Variants in DPYD observed in about 807,000 individuals in gnomAD.
The protein encoded by DPYD is dihydropyrimidine dehydrogenase.
A neutral mutation model predicts 116.2 loss-of-function variants in DPYD; 109 were observed. That is an observed-to-expected ratio of 0.94 (90% CI 0.80 to 1.10). The LOEUF (loss-of-function observed/expected upper bound fraction) is 1.10. Ranked by LOEUF, DPYD falls within the 50% of genes least tolerant of loss-of-function variation. DPYD has a pLI of 0.00. For synonymous variants in DPYD, 440 were observed against 432.0 expected, an observed-to-expected ratio of 1.02 and a Z score of -0.23; for missense variants, 1,302 against 1,254.5, an observed-to-expected ratio of 1.04 and a Z score of -0.57.
At chr1:97,263,950 C>G (rs1664049608) in intron 18 of DPYD, among the ~76,000 whole-genome samples, 1 of 151,900 alleles carries the variant, frequency 6.6e-6, no homozygotes, top group African/African-American at 2.4e-5. Context: ...TAATATATGT[C>G]AAGTACTTAT....
intron 20 of DPYD, among the ~76,000 whole-genome samples, chr1:97,150,687 A>T (rs1402397777): frequency 6.6e-6 from 1 of 152,160 alleles, no homozygotes; most frequent in East Asian, 1.9e-4. Context: ...ATCTGCTTTC[A>T]TGACTTCTGG....
At chr1:97,584,969 AAG>A (rs1653991202) in intron 10 of DPYD, among the ~76,000 whole-genome samples, 1 of 150,058 alleles carries the variant, frequency 6.7e-6, no homozygotes, top group African/African-American at 2.4e-5. Flanking sequence ...AATAATAATA[AAG>A]AAATAAAATA....
chr1:97,366,446 C>T (rs76416878), intron 16 of DPYD, among the ~76,000 whole-genome samples: 7,035 of 152,220 alleles, frequency 0.046, 223 homozygotes, highest in Middle Eastern at 0.11. Flanking sequence ...AGTCATTTCT[C>T]ATGTTTCTTC....
chr1:97,306,053 G>A, intron 17 of DPYD, 124 bp downstream of exon 17: 3 of 1,511,048 alleles, frequency 2.0e-6, no homozygotes, highest in Non-Finnish European at 2.7e-6. Flanking sequence ...TGCTCAACTG[G>A]AAACTTTTAA....
intron 16 of DPYD, among the ~76,000 whole-genome samples, chr1:97,364,889 C>T (rs908048144): frequency 2.6e-5 from 4 of 152,072 alleles, no homozygotes; most frequent in South Asian, 4.1e-4. Context: ...CAAATCCATA[C>T]GCCTCCTTCC....
At chr1:97,695,848 G>A (rs1341922652) in intron 6 of DPYD, among the ~76,000 whole-genome samples, 2 of 152,078 alleles carry the variant, frequency 1.3e-5, no homozygotes, top group Non-Finnish European at 2.9e-5. Flanking sequence ...AGTGAGAGGT[G>A]GCCGGGCGCA....
chr1:97,219,677 T>C (rs997458007), intron 19 of DPYD, among the ~76,000 whole-genome samples: 1 of 152,124 alleles, frequency 6.6e-6, no homozygotes, highest in Non-Finnish European at 1.5e-5. Flanking sequence ...TATTTAAAAA[T>C]GAACAAGATG....
intron 19 of DPYD, among the ~76,000 whole-genome samples, chr1:97,199,585 G>A (rs1659064068): frequency 6.6e-6 from 1 of 151,778 alleles, no homozygotes; most frequent in African/African-American, 2.4e-5. Flanking sequence ...GTCAAATACT[G>A]CAGAGGAAAG....
At chr1:97,223,914 G>T (rs1660943448) in intron 19 of DPYD, among the ~76,000 whole-genome samples, 2 of 152,074 alleles carry the variant, frequency 1.3e-5, no homozygotes, top group Admixed American at 1.3e-4. Flanking sequence ...TTGGCAGTCA[G>T]AAGCAAACTT....
chr1:97,487,590 G>C (rs567037135), intron 13 of DPYD, among the ~76,000 whole-genome samples: 1 of 152,128 alleles, frequency 6.6e-6, no homozygotes, highest in Non-Finnish European at 1.5e-5. Flanking sequence ...GGAGAATGGC[G>C]TGAACCTGGG....
chr1:97,192,403 T>C (rs1340789080), intron 20 of DPYD, among the ~76,000 whole-genome samples: 1 of 152,164 alleles, frequency 6.6e-6, no homozygotes, highest in African/African-American at 2.4e-5. Context: ...AGAATTATAA[T>C]TTTTTCCTCC....
chr1:97,297,641 G>C (rs1167331388), intron 18 of DPYD, among the ~76,000 whole-genome samples: 1 of 152,128 alleles, frequency 6.6e-6, no homozygotes, highest in Non-Finnish European at 1.5e-5. Flanking sequence ...TCTGGGGATG[G>C]CAAGAAAGCA....
intron 19 of DPYD, among the ~76,000 whole-genome samples, chr1:97,200,096 C>T (rs1277807913): frequency 6.6e-6 from 1 of 152,164 alleles, no homozygotes; most frequent in Non-Finnish European, 1.5e-5. Context: ...CTGGCACATG[C>T]TTTTGTGTAA....
chr1:97,268,653 T>A (rs1406205541), intron 18 of DPYD, among the ~76,000 whole-genome samples: 1 of 152,134 alleles, frequency 6.6e-6, no homozygotes, highest in African/African-American at 2.4e-5. Context: ...CTGGGGAAGC[T>A]GAGGGTGATG....
chr1:97,820,236 C>T (rs537676492), intron 3 of DPYD, among the ~76,000 whole-genome samples: 1 of 152,142 alleles, frequency 6.6e-6, no homozygotes, highest in South Asian at 2.1e-4. Context: ...TAGTCAACAC[C>T]AGTACTACTG....
chr1:97,915,365 A>G (rs1674160460), intron 1 of DPYD, among the ~76,000 whole-genome samples: 1 of 152,174 alleles, frequency 6.6e-6, no homozygotes, highest in South Asian at 2.1e-4. Context: ...ATATGTATTC[A>G]TGGTGAACTG....
intron 14 of DPYD, 75 bp downstream of exon 14, chr1:97,449,984 T>A: frequency 6.4e-7 from 1 of 1,556,868 alleles, no homozygotes. Context: ...TTTATAAGCC[T>A]ATGAATTGGA....
chr1:97,398,870 C>T (rs984215382), intron 14 of DPYD, among the ~76,000 whole-genome samples: 1 of 149,200 alleles, frequency 6.7e-6, no homozygotes, highest in African/African-American at 2.5e-5. Flanking sequence ...GAGTAGATTG[C>T]AAAACTTTTC....
intron 2 of DPYD, among the ~76,000 whole-genome samples, chr1:97,874,489 C>T (rs753490995): frequency 1.3e-5 from 2 of 151,850 alleles, no homozygotes; most frequent in Non-Finnish European, 2.9e-5. Flanking sequence ...AAATTGATCT[C>T]TCTATACAAA....
Sources: gnomAD v4.1 joint callset for allele counts (sites outside exome capture counted in the v4.1 genomes callset) on GRCh38, gnomAD v4.1.1 for gene constraint, MANE v1.5 for transcripts, NCBI Gene and HGNC (gene_info 2026-07-23, HGNC 2026-07-21) for gene names.